The following PARD3B variants were observed in gnomAD, a reference collection of about 807,000 sequenced individuals.
PARD3B encodes the protein par-3 family cell polarity regulator beta.
Under a neutral mutation model 130.2 loss-of-function variants are expected in PARD3B, and 103 were observed. The ratio of observed to expected loss-of-function variants is 0.79; its 90% CI spans 0.67 to 0.93. The LOEUF (loss-of-function observed/expected upper bound fraction) is 0.93. Ranked by LOEUF, PARD3B falls within the 40% of genes least tolerant of loss-of-function variation. PARD3B has a pLI of 0.00. For missense variants in PARD3B, 1,609 were observed against 1,499.2 expected (o/e 1.07, Z -1.21); for synonymous variants, 583 against 553.2 (o/e 1.05, Z -0.76).
chr2:205,153,500 C>CGGA (rs1407713694), intron 10 of PARD3B, among the ~76,000 whole-genome samples: 1 of 152,118 alleles, frequency 6.6e-6, no homozygotes, highest in African/African-American at 2.4e-5. Context: ...AATGCCATCC[C>CGGA]CATCAAGCTA....
At chr2:205,193,121 C>T (rs1258239226) in intron 14 of PARD3B, 84 bp from the exon 15 acceptor site, 2 of 875,716 alleles carry the variant, frequency 2.3e-6, no homozygotes, top group African/African-American at 3.3e-5. Context: ...TGATGAGTGG[C>T]TGTGTTCAAA....
At chr2:205,549,849 C>T (rs758918546) in intron 21 of PARD3B, among the ~76,000 whole-genome samples, 2 of 151,960 alleles carry the variant, frequency 1.3e-5, no homozygotes, top group South Asian at 2.1e-4. Context: ...GGTGGGCATG[C>T]GGGTAATGAA....
intron 3 of PARD3B, among the ~76,000 whole-genome samples, chr2:205,041,806 G>C (rs1698413328): frequency 6.6e-6 from 1 of 152,104 alleles, no homozygotes; most frequent in African/African-American, 2.4e-5. Flanking sequence ...TGGGGCTCTT[G>C]TTTGAAGCCA....
chr2:204,620,298 C>T (rs969279284), intron 1 of PARD3B, among the ~76,000 whole-genome samples: 6 of 152,054 alleles, frequency 3.9e-5, no homozygotes, highest in Admixed American at 1.3e-4. Flanking sequence ...ACACCTCACC[C>T]GGCTCATGCA....
At position 205,241,100 on chromosome 2, in the gene PARD3B, G is replaced by A. The variant is rs1020195985; in HGVS notation, c.2141-4678G>A. Among the ~76,000 whole-genome samples the A allele has an allele frequency of 3.3e-4, 51 of 152,260 alleles. No homozygotes were observed. The highest frequency in any genetic ancestry group is 1.2e-3 in the African/African-American group (48 of 41,568). ...AAAAAGATGCCATTGATGCTGGGCAGTTCTAATTAGCTTCAAAGGCTTACA... is the reference window on the plus strand; with the variant it reads ...AAAAAGATGCCATTGATGCTGGGCAATTCTAATTAGCTTCAAAGGCTTACA... On this transcript the variant is annotated intron_variant, in intron 15 of 22. Transcript: ENST00000406610. This position sits in a 1 kb window ranked among gnomAD's most constrained non-coding sequence, Gnocchi z 4.2.
intron 1 of PARD3B, among the ~76,000 whole-genome samples, chr2:204,640,173 CTG>C (rs1030835873): frequency 6.6e-6 from 1 of 152,038 alleles, no homozygotes; most frequent in African/African-American, 2.4e-5. Flanking sequence ...AGAATCACCT[CTG>C]TGTCTGGGAG....
chr2:205,260,825 CA>C (rs2040276687), intron 16 of PARD3B, among the ~76,000 whole-genome samples: 1 of 151,990 alleles, frequency 6.6e-6, no homozygotes, highest in African/African-American at 2.4e-5. Flanking sequence ...GGAAATGTAT[CA>C]GGGGGATGAG....
intron 2 of PARD3B, among the ~76,000 whole-genome samples, chr2:204,814,953 A>G (rs969804942): frequency 1.3e-5 from 2 of 151,778 alleles, no homozygotes; most frequent in Admixed American, 6.6e-5. Context: ...TATATTTTCT[A>G]TGTATTATTG....
At chr2:205,538,453 T>C (rs999036459) in intron 21 of PARD3B, among the ~76,000 whole-genome samples, 4 of 146,532 alleles carry the variant, frequency 2.7e-5, no homozygotes, top group African/African-American at 7.6e-5. Flanking sequence ...TAAACAACAA[T>C]AAGATGGTCA....
chr2:205,104,058 G>A (rs1020913807), intron 4 of PARD3B, among the ~76,000 whole-genome samples: 3 of 152,102 alleles, frequency 2.0e-5, no homozygotes, highest in South Asian at 2.1e-4. Flanking sequence ...AAGCAAGTAC[G>A]TACCTTAAGG....
intron 4 of PARD3B, among the ~76,000 whole-genome samples, chr2:205,089,226 G>T (rs1045637766): frequency 1.4e-5 from 2 of 147,250 alleles, no homozygotes; most frequent in African/African-American, 5.0e-5. Flanking sequence ...GCTGGAGTGC[G>T]ATGGCATGAT....
intron 3 of PARD3B, among the ~76,000 whole-genome samples, chr2:205,017,017 G>A (rs1362323572): frequency 6.6e-6 from 1 of 152,192 alleles, no homozygotes; most frequent in African/African-American, 2.4e-5. Context: ...CCATGGAAGT[G>A]TCTAGATTTG....
chr2:205,559,788 G>A (rs767635798), intron 22 of PARD3B, among the ~76,000 whole-genome samples: 49 of 151,880 alleles, frequency 3.2e-4, no homozygotes, highest in Non-Finnish European at 6.2e-4. Flanking sequence ...TAGTAGAGAC[G>A]AGGTTTCACC....
intron 2 of PARD3B, among the ~76,000 whole-genome samples, chr2:204,951,560 T>C (rs1193029745): frequency 6.6e-6 from 1 of 152,252 alleles, no homozygotes; most frequent in Non-Finnish European, 1.5e-5. Context: ...TGTGTATTTA[T>C]AATTAGAACA....
intron 1 of PARD3B, among the ~76,000 whole-genome samples, chr2:204,563,118 T>G (rs578137323): frequency 6.6e-6 from 1 of 152,322 alleles, no homozygotes; most frequent in South Asian, 2.1e-4. Context: ...AGAAGGATTC[T>G]TTCTTGCTTC....
At chr2:205,603,491 C>T (rs1348790174) in intron 22 of PARD3B, among the ~76,000 whole-genome samples, 1 of 152,164 alleles carries the variant, frequency 6.6e-6, no homozygotes, top group African/African-American at 2.4e-5. Flanking sequence ...GTCCAAGTCT[C>T]TTTGTAGGTC....
chr2:205,017,107 A>G (rs1299303070), intron 3 of PARD3B, among the ~76,000 whole-genome samples: 3 of 152,198 alleles, frequency 2.0e-5, no homozygotes, highest in Non-Finnish European at 4.4e-5. Context: ...GACGAAAAAC[A>G]TAAAGGGAAT....
chr2:204,900,312 T>G (rs1228533203), intron 2 of PARD3B, among the ~76,000 whole-genome samples: 1 of 152,182 alleles, frequency 6.6e-6, no homozygotes, highest in Non-Finnish European at 1.5e-5. Context: ...TATTCATTTT[T>G]CTTTTGTCTT....
chr2:205,447,463 C>T (rs2047945161), intron 20 of PARD3B, among the ~76,000 whole-genome samples: 1 of 152,230 alleles, frequency 6.6e-6, no homozygotes, highest in Non-Finnish European at 1.5e-5. Context: ...CTGCAACCTC[C>T]ACCTCCTGGA....
Sources: allele counts gnomAD v4.1 joint callset (sites outside exome capture counted in the v4.1 genomes callset), GRCh38; gene constraint gnomAD v4.1.1; non-coding constraint Gnocchi (gnomAD v3.1); transcripts MANE v1.5; gene names NCBI Gene and HGNC (gene_info 2026-07-23, HGNC 2026-07-21).